TMEM225B: variants seen among roughly 807,000 people sequenced by gnomAD.
TMEM225B encodes transmembrane protein 225B.
A neutral mutation model predicts 16.9 loss-of-function variants in TMEM225B; 10 were observed. That is an observed-to-expected ratio of 0.59 (90% confidence interval 0.36 to 1.00). The LOEUF is 1.00. TMEM225B is among the 50% of genes least tolerant of loss of function. The probability of loss-of-function intolerance (pLI) is 0.01; values close to 1 mark genes in which losing one functional copy is unlikely to be tolerated. For missense variants in TMEM225B, 217 were observed against 267.0 expected (o/e 0.81, Z 1.30); for synonymous variants, 92 against 109.8 (o/e 0.84, Z 1.01).
intron 5 of TMEM225B, among the ~76,000 whole-genome samples, chr7:99,609,755 G>C (rs1180695766): frequency 6.6e-6 from 1 of 151,874 alleles, no homozygotes; most frequent in Non-Finnish European, 1.5e-5. Flanking sequence ...TTTTTAAAGG[G>C]ACAAGGTCTT....
Position 99,604,412 on chromosome 7 carries a change from C to T in TMEM225B, c.24C>T (p.Asp8=). 1.3e-6 allele frequency: 2 copies of T among 1,536,036 alleles called. No homozygotes were observed. Among genetic ancestry groups the T allele is most frequent in the Non-Finnish European group, 1.7e-6 (2 of 1,146,814 alleles). MLTLEDK[D]MKGFSWAIVP... ...TGATGCTGACGTTAGAGGACAAGGA[C>T]ATGAAGGGATTCTCCTGGGCCATAG... Residue 8 remains aspartate (D), a synonymous_variant, in exon 3 of 6, where the codon GAC becomes GAT. Transcript: ENST00000431679.
chr7:99,607,472 G>A (rs915629088), intron 4 of TMEM225B, among the ~76,000 whole-genome samples: 5 of 152,226 alleles, frequency 3.3e-5, no homozygotes, highest in African/African-American at 7.2e-5. Context: ...GAGTTCTGAT[G>A]ATGGTTCCCT....
chr7:99,610,766 C>A lies in TMEM225B; in HGVS notation c.*201C>A, dbSNP rs1806276234. 2.2e-6 allele frequency: 1 copy of A among 455,296 alleles called. No homozygotes were observed. The highest frequency in any genetic ancestry group is 1.9e-5 in the African/African-American group (1 of 51,986). 28.2% of individuals were successfully genotyped at this position (455,296 alleles called of 1,614,324 possible). A position where few individuals can be genotyped will look rare whatever the true frequency, so the allele number is the denominator to read the frequency against. On this transcript the variant is annotated 3_prime_UTR_variant, in exon 6 of 6. Transcript: ENST00000431679. ...TTTGCTAAAAGTCCTTTCAACTCTT[C>A]TGAGCTTCCTAAGTGACGTTTTTGC... is the stretch of plus-strand genomic sequence containing the variant.
intron 2 of TMEM225B, among the ~76,000 whole-genome samples, chr7:99,601,685 A>T (rs950381740): frequency 2.6e-5 from 4 of 152,246 alleles, no homozygotes; most frequent in African/African-American, 9.6e-5. Flanking sequence ...AGCATCGAAG[A>T]TGAACATGTG....
intron 2 of TMEM225B, 48 bp from the exon 3 acceptor site, chr7:99,604,338 G>A (rs1328065873): frequency 7.6e-7 from 1 of 1,310,154 alleles, no homozygotes; most frequent in Non-Finnish European, 1.1e-6. Flanking sequence ...TGCTGCAGGA[G>A]AATTTGGGTC....
In TMEM225B at chr7:99,610,568, CAGG is replaced by C. The variant is rs752617229; in HGVS notation, c.*5_*7del. 34 of 1,535,904 alleles carry C rather than the reference CAGG, an allele frequency of 2.2e-5. No homozygotes were observed. The South Asian group carries it at 4.0e-4, about 18-fold the overall frequency. ...TGACAGCAGAAACAGTCATCTAGCC[CAGG>C]ACATGGCTTCTTTACCCTTCTTCAA... On this transcript the variant is annotated 3_prime_UTR_variant, in exon 6 of 6. Transcript: ENST00000431679.
intron 2 of TMEM225B, among the ~76,000 whole-genome samples, 173 bp downstream of exon 2, chr7:99,600,458 T>C (rs1482423438): frequency 6.6e-6 from 1 of 152,112 alleles, no homozygotes; most frequent in Non-Finnish European, 1.5e-5. Flanking sequence ...ATGCTGCTAA[T>C]AAAGACATAC....
rs1007819079 is a variant in TMEM225B, at chr7:99,610,729, T to C, written c.*164T>C. 1.1e-5 allele frequency: 6 copies of C among 546,388 alleles called. No individual in the cohort carries two copies. In the African/African-American group the frequency reaches 1.1e-4, roughly 10 times the overall value. The allele number at this position is 546,388 out of a possible 1,614,324, so 33.8% of individuals were successfully genotyped here. On this transcript the variant is annotated 3_prime_UTR_variant, in exon 6 of 6. Coordinates refer to ENST00000431679, the MANE Select transcript of TMEM225B (RefSeq NM_001195541.3). Reference sequence around the variant, plus strand: ...CATACTCACAGTGATTCTATCTTGCTTGTATGTGAAATTTGCTAAAAGTCC... The same window carrying C: ...CATACTCACAGTGATTCTATCTTGCCTGTATGTGAAATTTGCTAAAAGTCC...
intron 5 of TMEM225B, among the ~76,000 whole-genome samples, chr7:99,608,114 G>C (rs1445539638): frequency 6.6e-6 from 1 of 152,114 alleles, no homozygotes; most frequent in Admixed American, 6.6e-5. Context: ...AATTAGCTGG[G>C]CGTGATGGCA....
chr7:99,603,253 A>C (rs1805506556), intron 2 of TMEM225B, among the ~76,000 whole-genome samples: 1 of 152,218 alleles, frequency 6.6e-6, no homozygotes, highest in African/African-American at 2.4e-5. Flanking sequence ...TGTGGTCAGA[A>C]GGCCAGTCAC....
intron 2 of TMEM225B, among the ~76,000 whole-genome samples, chr7:99,602,945 C>T (rs1302704358): frequency 6.6e-6 from 1 of 152,104 alleles, no homozygotes; most frequent in Admixed American, 6.5e-5. Flanking sequence ...CTCAAAACTC[C>T]TGAGTTCATG....
At chr7:99,607,339 C>T (rs1271896608) in intron 4 of TMEM225B, among the ~76,000 whole-genome samples, 1 of 152,114 alleles carries the variant, frequency 6.6e-6, no homozygotes, top group African/African-American at 2.4e-5. Flanking sequence ...CCCTGAGAGG[C>T]TCCTAGGCAA....
rs139633308 is a variant in TMEM225B at position 99,601,933 on chromosome 7, G to A, written c.-4+1648G>A. On this transcript the variant is annotated intron_variant, in intron 2 of 5. Transcript: ENST00000431679. The stretch of plus-strand genomic sequence containing the variant: ...GTCTGCACTGGGCAAGGTTTGCACA[G>A]GGTGTGGGAGCAGGGGAGGAAAGCA... Among the ~76,000 whole-genome samples the A allele has an allele frequency of 2.0e-3, 311 of 152,386 alleles. 1 individual carries two copies. The highest frequency in any genetic ancestry group is 7.2e-3 in the African/African-American group (301 of 41,586).
chr7:99,600,874 GA>G (rs1427903806), intron 2 of TMEM225B, among the ~76,000 whole-genome samples: 2 of 152,248 alleles, frequency 1.3e-5, no homozygotes, highest in Non-Finnish European at 2.9e-5. Flanking sequence ...AGGAAGGTTG[GA>G]AGGTTGGGGA....
intron 1 of TMEM225B, 128 bp from the exon 2 acceptor site, chr7:99,600,077 G>A: frequency 1.6e-6 from 1 of 643,976 alleles, no homozygotes; most frequent in Non-Finnish European, 2.8e-6. Context: ...ACTGGAGAGT[G>A]GAGGGGGCAG....
chr7:99,608,734 TACACAC>T (rs35501095), intron 5 of TMEM225B, among the ~76,000 whole-genome samples: 2,413 of 113,652 alleles, frequency 0.021, 64 homozygotes, highest in African/African-American at 0.071. Flanking sequence ...TATATATATA[TACACAC>T]ACACACACAC....
At chr7:99,605,233 G>A (rs1461286713) in intron 3 of TMEM225B, among the ~76,000 whole-genome samples, 1 of 152,086 alleles carries the variant, frequency 6.6e-6, no homozygotes, top group African/African-American at 2.4e-5. Flanking sequence ...TCAGACTCTG[G>A]CTCTGCTAAT....
intron 2 of TMEM225B, among the ~76,000 whole-genome samples, chr7:99,600,932 G>A (rs1805308191): frequency 6.6e-6 from 1 of 152,180 alleles, no homozygotes; most frequent in Non-Finnish European, 1.5e-5. Context: ...TGATGAGATG[G>A]AAGTGGGGTT....
At chr7:99,609,283 C>A (rs948158538) in intron 5 of TMEM225B, among the ~76,000 whole-genome samples, 1 of 152,284 alleles carries the variant, frequency 6.6e-6, no homozygotes, top group Non-Finnish European at 1.5e-5. Flanking sequence ...TCCATGATTT[C>A]CATGAATTCT....
Sources: allele counts gnomAD v4.1 joint callset (sites outside exome capture counted in the v4.1 genomes callset), GRCh38; gene constraint gnomAD v4.1.1; transcripts MANE v1.5; gene names NCBI Gene and HGNC (gene_info 2026-07-23, HGNC 2026-07-21).